The following CTNNA3 variants were observed in gnomAD, a reference collection of about 807,000 sequenced individuals.
CTNNA3 encodes catenin alpha-3.
CTNNA3 carries 76 observed loss-of-function variants against 95.7 expected under a neutral mutation model. The observed-to-expected ratio is 0.79, with a 90% CI of 0.66 to 0.96. The LOEUF is 0.96. Ranked by LOEUF, CTNNA3 falls within the 40% of genes least tolerant of loss-of-function variation. The pLI, the probability that CTNNA3 is intolerant of heterozygous loss-of-function variation, is 0.00. For synonymous variants in CTNNA3, 431 were observed against 374.4 expected (o/e 1.15, Z -1.74); for missense variants, 1,191 against 1,089.8 (o/e 1.09, Z -1.31).
intron 4 of CTNNA3, among the ~76,000 whole-genome samples, chr10:67,528,152 T>G (rs1367826062): frequency 6.6e-6 from 1 of 152,236 alleles, no homozygotes; most frequent in Non-Finnish European, 1.5e-5. Flanking sequence ...ATTGGCACGG[T>G]TAAATTCCAG....
At chr10:67,328,330 C>G (rs572562371) in intron 5 of CTNNA3, among the ~76,000 whole-genome samples, 1 of 152,250 alleles carries the variant, frequency 6.6e-6, no homozygotes, top group South Asian at 2.1e-4. Flanking sequence ...GCAGGTGTAG[C>G]CAGGCTGGGG....
At chr10:67,356,360 C>T (rs1226924263) in intron 5 of CTNNA3, among the ~76,000 whole-genome samples, 1 of 152,074 alleles carries the variant, frequency 6.6e-6, no homozygotes, top group Non-Finnish European at 1.5e-5. Context: ...AAAATCCAGC[C>T]TTGCAACTCA....
At chr10:67,443,502 A>T (rs560004965) in intron 5 of CTNNA3, among the ~76,000 whole-genome samples, 2 of 152,094 alleles carry the variant, frequency 1.3e-5, no homozygotes, top group South Asian at 2.1e-4. Flanking sequence ...CTGGTGTGAG[A>T]TGATATCTCA....
At chr10:67,270,700 C>T (rs1014597865) in intron 5 of CTNNA3, among the ~76,000 whole-genome samples, 2 of 152,102 alleles carry the variant, frequency 1.3e-5, no homozygotes, top group Admixed American at 1.3e-4. Context: ...GTGTAAGCAA[C>T]AAAATTACCC....
intron 12 of CTNNA3, among the ~76,000 whole-genome samples, chr10:66,357,034 A>T (rs549220180): frequency 2.0e-5 from 3 of 152,030 alleles, no homozygotes; most frequent in African/African-American, 7.2e-5. Context: ...TTTTGCATCT[A>T]CGTTCATGAG....
intron 13 of CTNNA3, among the ~76,000 whole-genome samples, chr10:66,274,402 C>G (rs1452666212): frequency 2.0e-5 from 3 of 151,938 alleles, no homozygotes; most frequent in Non-Finnish European, 4.4e-5. Flanking sequence ...AAATATGCCA[C>G]CTGCTGATCT....
At chr10:67,536,288 T>C (rs903442877) in intron 4 of CTNNA3, among the ~76,000 whole-genome samples, 1 of 152,226 alleles carries the variant, frequency 6.6e-6, no homozygotes, top group Admixed American at 6.5e-5. Flanking sequence ...TCTGTGTTGC[T>C]CCAGAAAGCA....
At chr10:65,946,942 A>T (rs1414569928) in intron 17 of CTNNA3, among the ~76,000 whole-genome samples, 1 of 152,184 alleles carries the variant, frequency 6.6e-6, no homozygotes, top group Non-Finnish European at 1.5e-5. Context: ...CTAATAGCAA[A>T]TAAAAATGTC....
intron 13 of CTNNA3, among the ~76,000 whole-genome samples, chr10:66,219,621 C>CT (rs139117603): frequency 0.035 from 5,268 of 150,486 alleles, 212 homozygotes; most frequent in African/African-American, 0.1. Flanking sequence ...CCAATTAAGT[C>CT]TTTTTTTTTT....
chr10:67,238,337 G>A (rs997470203), intron 5 of CTNNA3, among the ~76,000 whole-genome samples: 12 of 151,898 alleles, frequency 7.9e-5, no homozygotes, highest in African/African-American at 1.9e-4. Context: ...AGGAGTCATC[G>A]TAAATTGTTC....
chr10:67,176,386 AG>A (rs1862244878), intron 7 of CTNNA3, among the ~76,000 whole-genome samples: 1 of 152,204 alleles, frequency 6.6e-6, no homozygotes, highest in African/African-American at 2.4e-5. Flanking sequence ...AATACAATTC[AG>A]CTTTTTCTAA....
chr10:66,892,296 ATTTTGAATCTGTT>A (rs1845300206), intron 7 of CTNNA3, among the ~76,000 whole-genome samples: 1 of 152,110 alleles, frequency 6.6e-6, no homozygotes, highest in African/African-American at 2.4e-5. Flanking sequence ...TAGCTTCATT[ATTTTGAATCTGTT>A]TCTTGTTTCC....
intron 9 of CTNNA3, among the ~76,000 whole-genome samples, chr10:66,734,906 C>T (rs114987727): frequency 0.018 from 2,639 of 150,514 alleles, 83 homozygotes; most frequent in African/African-American, 0.061. Flanking sequence ...TATTACATTA[C>T]GGAATCTTTT....
chr10:66,639,961 C>G (rs1028035946), intron 9 of CTNNA3, among the ~76,000 whole-genome samples: 1 of 150,152 alleles, frequency 6.7e-6, no homozygotes, highest in African/African-American at 2.4e-5. Flanking sequence ...GAACTGTGCA[C>G]CTCTCTCTCT....
intron 16 of CTNNA3, among the ~76,000 whole-genome samples, chr10:65,986,075 T>A (rs1336921364): frequency 6.6e-6 from 1 of 151,512 alleles, no homozygotes; most frequent in East Asian, 1.9e-4. Context: ...ATGTCAAAAG[T>A]GTAATAAAAC....
chr10:67,692,237 T>G (rs1840879384), intron 1 of CTNNA3, among the ~76,000 whole-genome samples: 1 of 146,984 alleles, frequency 6.8e-6, no homozygotes, highest in African/African-American at 2.5e-5. Flanking sequence ...GTCTGGGAGG[T>G]GTACCCAACA....
At chr10:66,056,357 A>C (rs1252316918) in intron 15 of CTNNA3, among the ~76,000 whole-genome samples, 1 of 152,128 alleles carries the variant, frequency 6.6e-6, no homozygotes, top group East Asian at 1.9e-4. Context: ...ATGTTGAACC[A>C]CTGTTGCATT....
At chr10:66,331,877 A>G (rs1416340441) in intron 12 of CTNNA3, among the ~76,000 whole-genome samples, 4 of 152,016 alleles carry the variant, frequency 2.6e-5, no homozygotes, top group African/African-American at 2.4e-5. Flanking sequence ...CATTGAATCT[A>G]TAAATTACCT....
intron 7 of CTNNA3, among the ~76,000 whole-genome samples, chr10:66,894,587 T>TAAAA (rs1228977001): frequency 6.6e-6 from 1 of 152,034 alleles, no homozygotes; most frequent in Non-Finnish European, 1.5e-5. Context: ...AACCGGATGT[T>TAAAA]AAAAAAATAA....
Sources: gnomAD v4.1 joint callset for allele counts (sites outside exome capture counted in the v4.1 genomes callset) on GRCh38, gnomAD v4.1.1 for gene constraint, MANE v1.5 for transcripts, NCBI Gene and HGNC (gene_info 2026-07-23, HGNC 2026-07-21) for gene names.